NMNAT2: variants seen among roughly 807,000 people sequenced by gnomAD.
The protein encoded by NMNAT2 is nicotinamide nucleotide adenylyltransferase 2.
A neutral mutation model predicts 41.6 loss-of-function variants in NMNAT2; 11 were observed. The observed-to-expected ratio is 0.26, with a 90% CI of 0.17 to 0.44. The LOEUF is 0.44. NMNAT2 is among the 20% of genes least tolerant of loss of function. NMNAT2 has a pLI of 1.00. For missense variants in NMNAT2, 288 were observed against 407.7 expected, an observed-to-expected ratio of 0.71 and a Z score of 2.53; for synonymous variants, 148 against 151.2, an observed-to-expected ratio of 0.98 and a Z score of 0.16.
At chr1:183,284,625 G>A (rs973736930) in intron 6 of NMNAT2, 85 bp downstream of exon 6, 33 of 1,160,622 alleles carry the variant, frequency 2.8e-5, no homozygotes, top group Non-Finnish European at 3.5e-5. Flanking sequence ...TGGGGGGAAT[G>A]TGCTTGAGGA....
intron 8 of NMNAT2, among the ~76,000 whole-genome samples, chr1:183,272,975 C>G (rs1005090111): frequency 1.3e-5 from 2 of 152,220 alleles, no homozygotes; most frequent in Non-Finnish European, 1.5e-5. Context: ...CTAAAGCTGC[C>G]TCCCTGCATA....
chr1:183,317,840 G>C (rs1662284909), intron 1 of NMNAT2, among the ~76,000 whole-genome samples: 1 of 152,128 alleles, frequency 6.6e-6, no homozygotes, highest in East Asian at 1.9e-4. Context: ...AATGACAGGG[G>C]CTATTCAAAG....
chr1:183,299,340 C>T (rs1389011425), intron 1 of NMNAT2, among the ~76,000 whole-genome samples: 1 of 151,598 alleles, frequency 6.6e-6, no homozygotes, highest in African/African-American at 2.4e-5. Flanking sequence ...GGCGCCACTG[C>T]ACTCCAGCCT....
At chr1:183,318,245 C>T (rs1662294217) in intron 1 of NMNAT2, among the ~76,000 whole-genome samples, 2 of 152,232 alleles carry the variant, frequency 1.3e-5, no homozygotes, top group East Asian at 1.9e-4. Flanking sequence ...CCTAAGACCT[C>T]CTCTCACTTT....
At chr1:183,347,686 G>A (rs575392252) in intron 1 of NMNAT2, among the ~76,000 whole-genome samples, 1 of 152,300 alleles carries the variant, frequency 6.6e-6, no homozygotes, top group Admixed American at 6.5e-5. Context: ...GTCTATAAGT[G>A]ACTGCAGGAG....
rs370923534 is a variant in NMNAT2, at chr1:183,262,833, A to G, written c.652-1530T>C. Among the ~76,000 whole-genome samples, 24 of 152,316 alleles carry G rather than the reference A, an allele frequency of 1.6e-4. No individual in the cohort carries two copies. The East Asian group carries it at 4.4e-3, about 28-fold the overall frequency. ...ACTGTTTAGATCTTGCCAATTACGG[A>G]TCCCAGATGGGGGAAGAGGGGAGGA... On this transcript the variant is annotated intron_variant, in intron 8 of 10. Transcript: ENST00000287713.
At chr1:183,274,103 G>A (rs1355061612) in intron 8 of NMNAT2, among the ~76,000 whole-genome samples, 1 of 151,706 alleles carries the variant, frequency 6.6e-6, no homozygotes, top group African/African-American at 2.4e-5. Flanking sequence ...AGTAGAGATG[G>A]GGTTTTACCA....
At chr1:183,389,828 GAA>G (rs1238893433) in intron 1 of NMNAT2, among the ~76,000 whole-genome samples, 8 of 53,076 alleles carry the variant, frequency 1.5e-4, no homozygotes, top group African/African-American at 4.3e-4. Context: ...AAGAAAGAAA[GAA>G]AGAAAGAAAG....
At chr1:183,407,601 C>A (rs548961697) in intron 1 of NMNAT2, among the ~76,000 whole-genome samples, 1 of 152,252 alleles carries the variant, frequency 6.6e-6, no homozygotes, top group African/African-American at 2.4e-5. Flanking sequence ...ACCATATGAC[C>A]TTGGCTAGAA....
intron 1 of NMNAT2, among the ~76,000 whole-genome samples, chr1:183,393,144 T>C (rs1202297404): frequency 6.6e-6 from 1 of 152,198 alleles, no homozygotes; most frequent in Non-Finnish European, 1.5e-5. Context: ...GAGTGGAAGA[T>C]AAATTCCTTC....
intron 8 of NMNAT2, among the ~76,000 whole-genome samples, chr1:183,263,332 C>G (rs1445604627): frequency 6.6e-6 from 1 of 152,210 alleles, no homozygotes; most frequent in Non-Finnish European, 1.5e-5. Context: ...CACCAAATCT[C>G]TTGTCTTATA....
At chr1:183,265,463 C>T (rs1660789158) in intron 8 of NMNAT2, among the ~76,000 whole-genome samples, 1 of 151,902 alleles carries the variant, frequency 6.6e-6, no homozygotes, top group African/African-American at 2.4e-5. Context: ...TACAGGGTTT[C>T]ACCATGTTGG....
intron 1 of NMNAT2, among the ~76,000 whole-genome samples, chr1:183,349,052 A>G (rs964502210): frequency 4.6e-5 from 7 of 152,198 alleles, no homozygotes; most frequent in South Asian, 2.1e-4. Flanking sequence ...ACTCTGGCCC[A>G]GGTGGCTTCT....
chr1:183,315,478 GT>G (rs749851919), intron 1 of NMNAT2, among the ~76,000 whole-genome samples: 2 of 152,086 alleles, frequency 1.3e-5, no homozygotes, highest in Non-Finnish European at 2.9e-5. Context: ...GTGTGTGTGT[GT>G]GTGTAATTCA....
chr1:183,313,703 C>G (rs1331506802), intron 1 of NMNAT2, among the ~76,000 whole-genome samples: 5 of 152,200 alleles, frequency 3.3e-5, no homozygotes, highest in Non-Finnish European at 7.3e-5. Context: ...CCAGGCTGGT[C>G]TCGAACTCTT....
intron 2 of NMNAT2, 37 bp downstream of exon 2, chr1:183,293,668 G>A: frequency 6.9e-7 from 1 of 1,445,688 alleles, no homozygotes; most frequent in Non-Finnish European, 9.7e-7. Flanking sequence ...TGGGGGGACG[G>A]GGATTGAAGA....
At chr1:183,282,485 C>A (rs994015837) in intron 7 of NMNAT2, among the ~76,000 whole-genome samples, 1 of 152,208 alleles carries the variant, frequency 6.6e-6, no homozygotes, top group Admixed American at 6.5e-5. Context: ...CTGCCCCAGG[C>A]GCTAGGAAGG....
intron 4 of NMNAT2, among the ~76,000 whole-genome samples, chr1:183,288,163 T>C (rs1661442644): frequency 6.6e-6 from 1 of 152,194 alleles, no homozygotes; most frequent in Admixed American, 6.5e-5. Context: ...TGCTGCACTG[T>C]GGGTCGCATT....
At position 183,278,675 on chromosome 1, in the gene NMNAT2, G is replaced by A. The variant is rs201225236; in HGVS notation, c.575-46C>T. On this transcript the variant is annotated intron_variant, in intron 7 of 10. Coordinates refer to ENST00000287713, the MANE Select transcript of NMNAT2 (RefSeq NM_015039.4). Reference sequence around the variant, plus strand: ...TTGCAAAGGGAGTAAGTGGTGGCCCGGGAAGCATTTGACCCTCAGCCTTCT... The same window carrying A: ...TTGCAAAGGGAGTAAGTGGTGGCCCAGGAAGCATTTGACCCTCAGCCTTCT... 4.0e-5 allele frequency: 56 copies of A among 1,388,340 alleles called. No homozygotes were observed. The Admixed American group carries it at 4.2e-4, about 10-fold the overall frequency. 86.0% of individuals were successfully genotyped at this position (1,388,340 alleles called of 1,614,324 possible).
Sources: gnomAD v4.1 joint callset for allele counts (sites outside exome capture counted in the v4.1 genomes callset) on GRCh38, gnomAD v4.1.1 for gene constraint, MANE v1.5 for transcripts, NCBI Gene and HGNC (gene_info 2026-07-23, HGNC 2026-07-21) for gene names.